GALNTL6: variants seen among roughly 807,000 people sequenced by gnomAD.
The protein encoded by GALNTL6 is polypeptide N-acetylgalactosaminyltransferase-like 6.
A neutral mutation model predicts 73.7 loss-of-function variants in GALNTL6; 46 were observed. The ratio of observed to expected loss-of-function variants is 0.62; its 90% CI spans 0.49 to 0.80. The LOEUF (loss-of-function observed/expected upper bound fraction) is 0.80. Among genes scored for constraint, GALNTL6 ranks in the 30% least tolerant of loss-of-function variants. The pLI is 0.00. For missense variants in GALNTL6, 604 were observed against 755.0 expected (o/e 0.80, Z 2.34); for synonymous variants, 259 against 263.7 (o/e 0.98, Z 0.17).
intron 5 of GALNTL6, among the ~76,000 whole-genome samples, chr4:172,767,438 C>T (rs6812507): frequency 1 from 152,218 of 152,272 alleles, 76,082 homozygotes; most frequent in Non-Finnish European, 1. Context: ...ATTTCAAATG[C>T]CCAAGCTGTG....
rs1354077557 is a variant in GALNTL6 at position 172,471,568 on chromosome 4, T to C, written c.553+122879T>C. 2.0e-5 allele frequency among the ~76,000 whole-genome samples: 3 copies of C among 152,338 alleles called. No individual in the cohort carries two copies. In the South Asian group the frequency reaches 6.2e-4, roughly 32 times the overall value. ...TTTTAGCTATTGCCCTTTCTTCTTT[T>C]TTTATGACACATTTTTACCCAACAA... On this transcript the variant is annotated intron_variant, in intron 5 of 12. Coordinates refer to ENST00000506823, the MANE Select transcript of GALNTL6 (RefSeq NM_001034845.3).
chr4:172,856,717 C>T (rs951431878), intron 7 of GALNTL6, among the ~76,000 whole-genome samples: 1 of 152,220 alleles, frequency 6.6e-6, no homozygotes, highest in Non-Finnish European at 1.5e-5. Context: ...TGTCCAACCT[C>T]ATCAGCTTTC....
At chr4:172,999,410 C>G (rs952012338) in intron 10 of GALNTL6, among the ~76,000 whole-genome samples, 5 of 152,150 alleles carry the variant, frequency 3.3e-5, no homozygotes, top group Admixed American at 6.5e-5. Flanking sequence ...CCAGCACCCT[C>G]TATTAGCAAA....
chr4:172,227,952 T>G (rs1388918982), intron 2 of GALNTL6, among the ~76,000 whole-genome samples: 1 of 152,206 alleles, frequency 6.6e-6, no homozygotes, highest in Non-Finnish European at 1.5e-5. Context: ...ATCTGAAAGT[T>G]ATGTTTGTAA....
chr4:172,620,726 G>T (rs981651183), intron 5 of GALNTL6, among the ~76,000 whole-genome samples: 3 of 152,166 alleles, frequency 2.0e-5, no homozygotes, highest in African/African-American at 7.2e-5. Context: ...GAGAGGGTCT[G>T]TCCCATTTCT....
intron 7 of GALNTL6, among the ~76,000 whole-genome samples, chr4:172,881,949 G>A (rs966685812): frequency 2.0e-5 from 3 of 151,972 alleles, no homozygotes; most frequent in African/African-American, 7.3e-5. Context: ...GTTGTTCACA[G>A]GGTTGTTGTG....
Position 173,027,371 on chromosome 4 carries a change from G to A in GALNTL6, c.1638+5746G>A, listed in dbSNP as rs1027836168. ...ATAGATATAGATATATATTGATAGA[G>A]ACATGCTATTGATCAATCACCATTT... On this transcript the variant is annotated intron_variant, in intron 12 of 12. Coordinates refer to ENST00000506823, the MANE Select transcript of GALNTL6 (RefSeq NM_001034845.3). Among the ~76,000 whole-genome samples the A allele has an allele frequency of 7.2e-5, 11 of 152,204 alleles. 2 individuals are homozygous for A. In the South Asian group the frequency reaches 1.4e-3, roughly 20 times the overall value.
intron 2 of GALNTL6, among the ~76,000 whole-genome samples, chr4:172,130,637 T>A (rs547983469): frequency 5.1e-4 from 77 of 152,240 alleles, no homozygotes; most frequent in African/African-American, 1.8e-3. Context: ...GCCCATGAAC[T>A]GACAATATAG....
In GALNTL6 at chr4:172,280,675, C is replaced by T. The variant is rs866998153; in HGVS notation, c.248-30939C>T. Among the ~76,000 whole-genome samples, 41 of 151,764 alleles carry T rather than the reference C, an allele frequency of 2.7e-4. 1 individual carries two copies. The highest frequency in any genetic ancestry group is 9.0e-4 in the African/African-American group (37 of 41,308). Reference sequence around the variant, plus strand: ...AAAATACTTTATAATCAATATCTGTCGATTAAAGTAACAATTAATATAAGG... The same window carrying T: ...AAAATACTTTATAATCAATATCTGTTGATTAAAGTAACAATTAATATAAGG... On this transcript the variant is annotated intron_variant, in intron 3 of 12. Transcript: ENST00000506823.
chr4:172,591,009 G>T (rs766494591), intron 5 of GALNTL6, among the ~76,000 whole-genome samples: 5 of 152,020 alleles, frequency 3.3e-5, no homozygotes, highest in Non-Finnish European at 7.4e-5. Flanking sequence ...ACCAATTTTA[G>T]GATGCCTTGG....
intron 9 of GALNTL6, among the ~76,000 whole-genome samples, chr4:172,941,742 G>T (rs148571978): frequency 6.6e-6 from 1 of 152,188 alleles, no homozygotes; most frequent in Non-Finnish European, 1.5e-5. Context: ...AAATATTTTA[G>T]CATGCCATAA....
At chr4:172,203,973 CG>C (rs1256019566) in intron 2 of GALNTL6, among the ~76,000 whole-genome samples, 1 of 151,986 alleles carries the variant, frequency 6.6e-6, no homozygotes, top group Non-Finnish European at 1.5e-5. Context: ...CTCGAACTAA[CG>C]ACCTCAGGTG....
intron 3 of GALNTL6, among the ~76,000 whole-genome samples, chr4:172,246,643 A>G (rs999335485): frequency 6.6e-6 from 1 of 151,910 alleles, no homozygotes; most frequent in Non-Finnish European, 1.5e-5. Flanking sequence ...AAAATTTAGT[A>G]TGGATTACAG....
At chr4:172,719,562 G>A (rs1238496082) in intron 5 of GALNTL6, among the ~76,000 whole-genome samples, 1 of 152,080 alleles carries the variant, frequency 6.6e-6, no homozygotes, top group African/African-American at 2.4e-5. Context: ...ACTTCTAAAT[G>A]CAGGTAGAAA....
At chr4:172,778,615 A>C (rs1319100067) in intron 5 of GALNTL6, among the ~76,000 whole-genome samples, 1 of 152,208 alleles carries the variant, frequency 6.6e-6, no homozygotes, top group Non-Finnish European at 1.5e-5. Flanking sequence ...TCCGAATATG[A>C]CTTTTGACAC....
At chr4:172,264,064 G>A (rs1240247810) in intron 3 of GALNTL6, among the ~76,000 whole-genome samples, 1 of 151,420 alleles carries the variant, frequency 6.6e-6, no homozygotes, top group Non-Finnish European at 1.5e-5. Context: ...AGCTGGGGGG[G>A]TGTGGATTTC....
At chr4:172,405,285 C>T (rs1744166783) in intron 5 of GALNTL6, among the ~76,000 whole-genome samples, 1 of 149,000 alleles carries the variant, frequency 6.7e-6, no homozygotes, top group Non-Finnish European at 1.5e-5. Flanking sequence ...GAAATACATA[C>T]TTATATGTAC....
chr4:172,156,544 T>TATATATATATATATATA (rs1560945570), intron 2 of GALNTL6, among the ~76,000 whole-genome samples: 2 of 67,928 alleles, frequency 2.9e-5, no homozygotes, highest in African/African-American at 1.6e-4. Flanking sequence ...ATATATAATA[T>TATATATATATATATATA]ATATATATAT....
rs568448097 is a variant in GALNTL6, at chr4:171,993,444, G to A, written c.138+178726G>A. On this transcript the variant is annotated intron_variant, in intron 2 of 12. Transcript: ENST00000506823. ...ATGGGATGAGTTAACTAAGGACAACGGAGCTGTGTCATGCTAATGATTATC... is the reference window on the plus strand; with the variant it reads ...ATGGGATGAGTTAACTAAGGACAACAGAGCTGTGTCATGCTAATGATTATC... Among the ~76,000 whole-genome samples, 9 of 152,192 alleles carry A rather than the reference G, an allele frequency of 5.9e-5. No individual in the cohort carries two copies. The South Asian group carries it at 1.5e-3, about 25-fold the overall frequency.
Sources: allele counts gnomAD v4.1 joint callset (sites outside exome capture counted in the v4.1 genomes callset), GRCh38; gene constraint gnomAD v4.1.1; transcripts MANE v1.5; gene names NCBI Gene and HGNC (gene_info 2026-07-23, HGNC 2026-07-21).